GLIS3: variants seen among roughly 807,000 people sequenced by gnomAD.
GLIS3 encodes zinc finger protein GLIS3.
In GLIS3, 53 loss-of-function variants were observed where a neutral mutation model predicts 78.6. The ratio of observed to expected loss-of-function variants is 0.67; its 90% CI spans 0.54 to 0.85. The LOEUF (loss-of-function observed/expected upper bound fraction) is 0.85, where lower values mean the gene tolerates loss of function less well. Among genes scored for constraint, GLIS3 ranks in the 40% least tolerant of loss-of-function variants. GLIS3 has a pLI of 0.00. For missense variants in GLIS3, 1,703 were observed against 1,231.1 expected (o/e 1.38, Z -5.74); for synonymous variants, 684 against 509.9 (o/e 1.34, Z -4.60).
chr9:4,095,531 T>G (rs182047117), intron 4 of GLIS3, among the ~76,000 whole-genome samples: 2 of 152,314 alleles, frequency 1.3e-5, no homozygotes, highest in East Asian at 1.9e-4. Context: ...TAAGGATTAC[T>G]GAATGATGGG....
chr9:3,978,142 C>T (rs1213587938), intron 4 of GLIS3, among the ~76,000 whole-genome samples: 1 of 152,112 alleles, frequency 6.6e-6, no homozygotes, highest in Non-Finnish European at 1.5e-5. Flanking sequence ...GTGGACACTC[C>T]TCTGCACAGA....
chr9:4,018,109 C>T (rs939726770), intron 4 of GLIS3, among the ~76,000 whole-genome samples: 3 of 152,086 alleles, frequency 2.0e-5, no homozygotes, highest in Non-Finnish European at 4.4e-5. Context: ...AAAACTCTTC[C>T]GATAAAGGAA....
intron 4 of GLIS3, among the ~76,000 whole-genome samples, chr9:4,030,149 T>C (rs1823704202): frequency 6.6e-6 from 1 of 152,198 alleles, no homozygotes; most frequent in African/African-American, 2.4e-5. Flanking sequence ...TTAACTATGG[T>C]GAGATGATAT....
chr9:3,924,261 T>G (rs1386086295), intron 6 of GLIS3, among the ~76,000 whole-genome samples: 1 of 152,238 alleles, frequency 6.6e-6, no homozygotes, highest in Non-Finnish European at 1.5e-5. Context: ...ACTGGTCTGT[T>G]GTCAGGCACA....
intron 8 of GLIS3, among the ~76,000 whole-genome samples, chr9:3,861,491 G>A (rs953753109): frequency 7.2e-5 from 11 of 151,828 alleles, no homozygotes; most frequent in Admixed American, 6.6e-5. Context: ...GCATGTGTAC[G>A]TTCATTGCAG....
chr9:4,345,075 T>A (rs762348799), intron 2 of GLIS3, among the ~76,000 whole-genome samples: 2 of 152,192 alleles, frequency 1.3e-5, no homozygotes, highest in Admixed American at 6.5e-5. Context: ...TAAACTTAAA[T>A]CAGATCACTC....
intron 2 of GLIS3, among the ~76,000 whole-genome samples, chr9:4,126,695 A>G (rs149178372): frequency 6.6e-6 from 1 of 152,390 alleles, no homozygotes; most frequent in East Asian, 1.9e-4. Context: ...TGAGAAAGGC[A>G]AACACTGCCA....
chr9:4,140,428 T>C (rs1833724289), intron 2 of GLIS3, among the ~76,000 whole-genome samples: 1 of 152,204 alleles, frequency 6.6e-6, no homozygotes, highest in Non-Finnish European at 1.5e-5. Flanking sequence ...TTCTCTATCA[T>C]AAATTGTTTC....
At chr9:3,927,965 G>C (rs1341016660) in intron 6 of GLIS3, among the ~76,000 whole-genome samples, 1 of 152,180 alleles carries the variant, frequency 6.6e-6, no homozygotes, top group Non-Finnish European at 1.5e-5. Context: ...GCATCTCCCA[G>C]AGCCTTTATT....
chr9:3,847,676 C>A (rs1819145159), intron 9 of GLIS3, among the ~76,000 whole-genome samples: 1 of 152,240 alleles, frequency 6.6e-6, no homozygotes, highest in African/African-American at 2.4e-5. Context: ...GACCATCTCA[C>A]ACCCCTTCCA....
At chr9:4,459,126 G>A in the GLIS3 span, among the ~76,000 whole-genome samples, 5 of 152,176 alleles carry the variant, frequency 3.3e-5, no homozygotes, top group Non-Finnish European at 5.9e-5. Context: ...GGGCAAGAGT[G>A]GAGACAGGGA....
chr9:3,865,219 G>A (rs1820493334), intron 8 of GLIS3, among the ~76,000 whole-genome samples: 1 of 152,164 alleles, frequency 6.6e-6, no homozygotes, highest in Non-Finnish European at 1.5e-5. Flanking sequence ...AATGAACTTT[G>A]CCTCTGGGTT....
the GLIS3 span, among the ~76,000 whole-genome samples, chr9:4,416,252 T>TTTAAAA: frequency 5.3e-3 from 402 of 75,802 alleles, 38 homozygotes; most frequent in African/African-American, 0.02. Context: ...ACACTGTTTT[T>TTTAAAA]AAAAAAAAAA....
chr9:4,185,369 T>C (rs1817692177), intron 2 of GLIS3, among the ~76,000 whole-genome samples: 1 of 152,240 alleles, frequency 6.6e-6, no homozygotes. Flanking sequence ...GATGGACATT[T>C]GGATTGCTTC....
chr9:4,401,470 G>T, the GLIS3 span, among the ~76,000 whole-genome samples: 1 of 151,588 alleles, frequency 6.6e-6, no homozygotes, highest in Non-Finnish European at 1.5e-5. Context: ...CTCCATGTTG[G>T]TCAGGCTGGT....
intron 6 of GLIS3, among the ~76,000 whole-genome samples, chr9:3,901,446 T>C (rs758371695): frequency 1.8e-4 from 28 of 152,178 alleles, no homozygotes; most frequent in African/African-American, 5.8e-4. Context: ...ACCATGGAAA[T>C]TGGCAATTCT....
the GLIS3 span, among the ~76,000 whole-genome samples, chr9:4,368,338 GTTTT>G: frequency 5.2e-5 from 7 of 135,162 alleles, no homozygotes; most frequent in East Asian, 1.5e-3. Context: ...CAAGAACCCT[GTTTT>G]TTTTTTTTTT....
chr9:4,046,392 C>A (rs1270181722), intron 4 of GLIS3, among the ~76,000 whole-genome samples: 1 of 152,118 alleles, frequency 6.6e-6, no homozygotes, highest in Non-Finnish European at 1.5e-5. Context: ...GGTTGGCAGG[C>A]ATGAGAGGTG....
Position 4,125,888 on chromosome 9 carries a change from T to A in GLIS3, c.442A>T (p.Asn148Tyr), listed in dbSNP as rs1832539614. 16 of 1,613,778 alleles carry A rather than the reference T, an allele frequency of 9.9e-6. No individual in the cohort carries two copies. Among genetic ancestry groups the A allele is most frequent in the Non-Finnish European group, 1.4e-5 (16 of 1,179,930 alleles). Residue 148 changes from asparagine to tyrosine, a missense_variant, in exon 3 of 11, where the codon AAT becomes TAT. Asn to Tyr is a moderately radical substitution (Grantham distance 143). Transcript: ENST00000381971. ...CKSIGKGSCN[N>Y]LVVTSSPMMV... ...ATGGGACTGCTGGTGACCACTAGAT[T>A]GTTGCAGCTGCCTTTTCCAATGGAC...
Sources: gnomAD v4.1 joint callset for allele counts (sites outside exome capture counted in the v4.1 genomes callset) on GRCh38, gnomAD v4.1.1 for gene constraint, MANE v1.5 for transcripts, NCBI Gene and HGNC (gene_info 2026-07-23, HGNC 2026-07-21) for gene names.